The following PIWIL3 variants were observed in gnomAD, a reference collection of about 807,000 sequenced individuals.
PIWIL3 encodes piwi-like protein 3.
Under a neutral mutation model 109.7 loss-of-function variants are expected in PIWIL3, and 101 were observed. The observed-to-expected ratio is 0.92, with a 90% confidence interval of 0.78 to 1.09. The LOEUF (loss-of-function observed/expected upper bound fraction) is 1.09, where lower values mean the gene tolerates loss of function less well. Ranked by LOEUF, PIWIL3 falls within the 50% of genes least tolerant of loss-of-function variation. The probability of loss-of-function intolerance (pLI) is 0.00; values close to 1 mark genes in which losing one functional copy is unlikely to be tolerated. For synonymous variants in PIWIL3, 373 were observed against 376.4 expected, an observed-to-expected ratio of 0.99 and a Z score of 0.10; for missense variants, 1,031 against 1,072.6, an observed-to-expected ratio of 0.96 and a Z score of 0.54.
At chr22:24,742,368 C>T (rs745531944) in intron 12 of PIWIL3, among the ~76,000 whole-genome samples, 1 of 145,522 alleles carries the variant, frequency 6.9e-6, no homozygotes, top group Non-Finnish European at 1.5e-5. Context: ...ATACCATCAT[C>T]ATTCTTCATA....
chr22:24,755,269 C>G (rs1382800879), intron 6 of PIWIL3, among the ~76,000 whole-genome samples: 1 of 152,084 alleles, frequency 6.6e-6, no homozygotes, highest in African/African-American at 2.4e-5. Flanking sequence ...ACCACAGGCA[C>G]CTGCCACCAT....
intron 2 of PIWIL3, among the ~76,000 whole-genome samples, chr22:24,760,406 T>C (rs1166672597): frequency 2.6e-5 from 4 of 151,944 alleles, no homozygotes; most frequent in Non-Finnish European, 5.9e-5. Flanking sequence ...AGGCAGCCAG[T>C]GTGGCTGGAA....
chr22:24,770,125 C>A (rs1352532891), intron 1 of PIWIL3, among the ~76,000 whole-genome samples: 1 of 152,220 alleles, frequency 6.6e-6, no homozygotes, highest in East Asian at 1.9e-4. Flanking sequence ...TTATGTAGAT[C>A]AAAGCATTTC....
At chr22:24,732,572 C>T (rs1923415140) in intron 14 of PIWIL3, among the ~76,000 whole-genome samples, 1 of 152,062 alleles carries the variant, frequency 6.6e-6, no homozygotes, top group African/African-American at 2.4e-5. Flanking sequence ...GCCTGTAATC[C>T]CAGCACTTTG....
At chr22:24,761,920 C>T in intron 2 of PIWIL3, 1 of 975,490 alleles carries the variant, frequency 1.0e-6, no homozygotes, top group Non-Finnish European at 1.2e-6. Flanking sequence ...TATGGTCCCC[C>T]TGGAGGTTGT....
intron 13 of PIWIL3, among the ~76,000 whole-genome samples, 197 bp from the exon 14 acceptor site, chr22:24,734,353 C>T (rs1923528914): frequency 6.6e-6 from 1 of 152,212 alleles, no homozygotes; most frequent in South Asian, 2.1e-4. Flanking sequence ...CATCACTACT[C>T]TGCCCTAACA....
rs188055965 is a variant in PIWIL3 at position 24,771,190 on chromosome 22, C to T, written c.-23+3132G>A. 1.4e-4 allele frequency among the ~76,000 whole-genome samples: 21 copies of T among 151,956 alleles called. No individual in the cohort carries two copies. In the East Asian group the frequency reaches 3.9e-3, roughly 28 times the overall value. ...AAGAAAGTTACTTTCCGGCCGGGCG[C>T]GGTGGCTGATGCCTGTAATCCCAAC... On this transcript the variant is annotated intron_variant, in intron 1 of 20. Coordinates refer to ENST00000616349, the MANE Select transcript of PIWIL3 (RefSeq NM_001255975.1).
intron 1 of PIWIL3, among the ~76,000 whole-genome samples, chr22:24,766,232 C>A (rs1356912258): frequency 6.6e-6 from 1 of 151,836 alleles, no homozygotes; most frequent in East Asian, 1.9e-4. Flanking sequence ...AGCGATCATC[C>A]CATCTCAGCC....
chr22:24,735,999 T>G (rs1379069045), intron 12 of PIWIL3, 107 bp from the exon 13 acceptor site: 1 of 952,270 alleles, frequency 1.1e-6, no homozygotes, highest in African/African-American at 1.7e-5. Context: ...AATGTTACAA[T>G]TATAAACTTG....
At chr22:24,738,395 A>G (rs1923790977) in intron 12 of PIWIL3, among the ~76,000 whole-genome samples, 1 of 152,222 alleles carries the variant, frequency 6.6e-6, no homozygotes, top group Admixed American at 6.5e-5. Context: ...TAGGGCCTTG[A>G]GCCAACATAG....
chr22:24,725,031 A>G lies in PIWIL3; in HGVS notation c.2087T>C (p.Leu696Pro). 6.2e-7 allele frequency: 1 copy of G among 1,614,152 alleles called. No homozygotes were observed. Among genetic ancestry groups the G allele is most frequent in the Non-Finnish European group, 8.5e-7 (1 of 1,180,008 alleles). Residue 696 changes from leucine to proline, a missense_variant, in exon 18 of 21, where the codon CTG (leucine) becomes CCG (proline). By Grantham distance (98) the Leu-to-Pro change is moderately conservative (BLOSUM62 -3). Transcript: ENST00000616349. Reference sequence around the variant, plus strand: ...TGATTCGTTTTTACACCAGACATCCAGGGCAGCTAAGAGGAAATCAGAAAA... The same window carrying G: ...TGATTCGTTTTTACACCAGACATCCGGGGCAGCTAAGAGGAAATCAGAAAA... ...KELEICLKAA[L>P]DVWCKNESSM...
rs146925609 is a variant in PIWIL3 at position 24,744,301 on chromosome 22, G to T, written c.1449+4606C>A. Among the ~76,000 whole-genome samples, 494 of 151,732 alleles carry T rather than the reference G, an allele frequency of 3.3e-3. 5 individuals carry two copies. Among genetic ancestry groups the T allele is most frequent in the Middle Eastern group, 0.017 (5 of 294 alleles). ...AAAAAACACAAAAAAGGCCAGGTGC[G>T]GTGGCTCATGCCTGTAATCCCAGCA... is the stretch of plus-strand genomic sequence containing the variant. On this transcript the variant is annotated intron_variant, in intron 12 of 20. Transcript: ENST00000616349.
At chr22:24,762,350 T>C in intron 2 of PIWIL3, 48 bp downstream of exon 2, 1 of 1,587,184 alleles carries the variant, frequency 6.3e-7, no homozygotes, top group Non-Finnish European at 8.6e-7. Flanking sequence ...TTCTTTTCAG[T>C]ACAGGCACAT....
chr22:24,729,723 C>T (rs1394756143), intron 14 of PIWIL3, among the ~76,000 whole-genome samples: 2 of 152,180 alleles, frequency 1.3e-5, no homozygotes, highest in African/African-American at 4.8e-5. Flanking sequence ...TACTGTTTTT[C>T]TTCCTTTCAC....
chr22:24,756,459 A>G (rs1925035693), intron 5 of PIWIL3, 32 bp downstream of exon 5: 2 of 1,579,348 alleles, frequency 1.3e-6, no homozygotes, highest in Admixed American at 1.7e-5. Context: ...AAGAGAAAGA[A>G]CACAGGAAAA....
rs56087060 is a variant in PIWIL3 at position 24,720,259 on chromosome 22, G to GTTTT, written c.2358-368_2358-365dup. 9.0e-4 allele frequency among the ~76,000 whole-genome samples: 95 copies of GTTTT among 105,494 alleles called. 5 individuals carry two copies. Among genetic ancestry groups the GTTTT allele is most frequent in the African/African-American group, 1.8e-3 (53 of 28,938 alleles). 69.2% of individuals were successfully genotyped at this position (105,494 alleles called of 152,430 possible). The stretch of plus-strand genomic sequence containing the variant: ...AGAATCACTGGACTATATTTAAACT[G>GTTTT]TTTTTTTTTTTTTTTTTTTTTTTTT... On this transcript the variant is annotated intron_variant, in intron 19 of 20. Transcript: ENST00000616349.
rs749696476 is a variant in PIWIL3 at position 24,754,798 on chromosome 22, CTGAA to C, written c.755_758del (p.Ile252SerfsTer32). 1.2e-6 allele frequency: 2 copies of C among 1,608,888 alleles called. No homozygotes were observed. Among genetic ancestry groups the C allele is most frequent in the Non-Finnish European group, 1.7e-6 (2 of 1,175,406 alleles). ...TTTATACAAACCCATGACGGTATAA[CTGAA>C]TGGCCTTCTTTTTGGTATAATAGTT... On this transcript the variant is annotated frameshift_variant, in exon 7 of 21. Transcript: ENST00000616349. LOFTEE classifies it high-confidence loss of function.
At chr22:24,772,075 C>A (rs1055382518) in intron 1 of PIWIL3, among the ~76,000 whole-genome samples, 31 of 152,056 alleles carry the variant, frequency 2.0e-4, no homozygotes, top group Admixed American at 2.0e-3. Flanking sequence ...GGAATACATT[C>A]GATAACACAG....
At chr22:24,721,912 G>A (rs530164314) in intron 19 of PIWIL3, among the ~76,000 whole-genome samples, 43 of 152,146 alleles carry the variant, frequency 2.8e-4, no homozygotes, top group Non-Finnish European at 5.0e-4. Flanking sequence ...TTACTGTTTG[G>A]AATTACTTCC....
Sources: gnomAD v4.1 joint callset for allele counts (sites outside exome capture counted in the v4.1 genomes callset) on GRCh38, gnomAD v4.1.1 for gene constraint, MANE v1.5 for transcripts, NCBI Gene and HGNC (gene_info 2026-07-23, HGNC 2026-07-21) for gene names.